BRD4: variants seen among roughly 807,000 people sequenced by gnomAD.
BRD4 encodes bromodomain containing 4.
In BRD4, 16 loss-of-function variants were observed where a neutral mutation model predicts 142.1. The observed-to-expected ratio is 0.11, with a 90% CI of 0.08 to 0.17. The LOEUF is 0.17. Among genes scored for constraint, BRD4 ranks in the 10% least tolerant of loss-of-function variants. BRD4 has a pLI of 1.00. For missense variants in BRD4, 1,424 were observed against 1,810.9 expected, an observed-to-expected ratio of 0.79 and a Z score of 3.88; for synonymous variants, 833 against 707.5, an observed-to-expected ratio of 1.18 and a Z score of -2.82.
chr19:15,240,063 G>A (rs984889293), intron 14 of BRD4, 41 bp from the exon 15 acceptor site: 5 of 1,572,244 alleles, frequency 3.2e-6, no homozygotes, highest in Non-Finnish European at 3.5e-6. Context: ...GGCTGGCTTA[G>A]AACTGCTGGC....
Position 15,239,742 on chromosome 19 carries a change from C to A in BRD4, c.3362G>T (p.Arg1121Leu), listed in dbSNP as rs1277195290. ...KEEKIHSPIIRSEPFSPSLRP... is the reference protein window; with the variant it reads ...KEEKIHSPIILSEPFSPSLRP... ...CAGCGAGGGGCTGAAGGGCTCGCTG[C>A]GGATGATGGGTGAGTGGATCTTCTC... is the stretch of plus-strand genomic sequence containing the variant. Residue 1121 changes from arginine (R) to leucine (L), a missense_variant, in exon 16 of 20, where the codon CGC becomes CTC. Transcript: ENST00000679869. This position sits in a 1 kb window ranked among gnomAD's most constrained non-coding sequence, Gnocchi z 7.4. 1.2e-6 allele frequency: 2 copies of A among 1,607,472 alleles called. No homozygotes were observed. Among genetic ancestry groups the A allele is most frequent in the Non-Finnish European group, 1.7e-6 (2 of 1,179,662 alleles).
intron 1 of BRD4, among the ~76,000 whole-genome samples, chr19:15,287,009 G>C (rs545127632): frequency 6.6e-6 from 1 of 152,178 alleles, no homozygotes; most frequent in Non-Finnish European, 1.5e-5. Flanking sequence ...ACCCCAGTCA[G>C]TTTCCACACC....
chr19:15,243,598 C>T (rs912330542), intron 13 of BRD4, 111 bp from the exon 14 acceptor site: 5 of 1,400,492 alleles, frequency 3.6e-6, no homozygotes, highest in Non-Finnish European at 2.8e-6. Context: ...TACTGGCCTC[C>T]CTCAAACTGG....
At chr19:15,320,713 G>C (rs1259952182) in intron 1 of BRD4, among the ~76,000 whole-genome samples, 1 of 152,128 alleles carries the variant, frequency 6.6e-6, no homozygotes, top group Non-Finnish European at 1.5e-5. Context: ...ACTTCTCCCA[G>C]AGCTCCTTCT....
intron 1 of BRD4, among the ~76,000 whole-genome samples, chr19:15,290,638 C>T (rs892073982): frequency 6.6e-6 from 1 of 152,274 alleles, no homozygotes; most frequent in African/African-American, 2.4e-5. Flanking sequence ...TAGAAAGATG[C>T]TCTAGGCAAA....
At chr19:15,284,043 G>T (rs750179544) in intron 1 of BRD4, among the ~76,000 whole-genome samples, 12 of 152,168 alleles carry the variant, frequency 7.9e-5, no homozygotes, top group Non-Finnish European at 1.2e-4. Flanking sequence ...GGGTCCAGAG[G>T]TATCAAAGCC....
intron 1 of BRD4, among the ~76,000 whole-genome samples, chr19:15,313,798 G>A (rs1750328957): frequency 6.6e-6 from 1 of 152,192 alleles, no homozygotes; most frequent in Admixed American, 6.5e-5. Flanking sequence ...CAGTCTCCTA[G>A]CACATGAACT....
At chr19:15,290,604 T>G (rs936141743) in intron 1 of BRD4, among the ~76,000 whole-genome samples, 4 of 152,124 alleles carry the variant, frequency 2.6e-5, no homozygotes, top group African/African-American at 9.7e-5. Flanking sequence ...TTTCATTCAT[T>G]TCAACATACA....
At chr19:15,286,226 A>C (rs1348092376) in intron 1 of BRD4, among the ~76,000 whole-genome samples, 1 of 152,200 alleles carries the variant, frequency 6.6e-6, no homozygotes, top group Non-Finnish European at 1.5e-5. Context: ...CGAGCAGATG[A>C]GAAAAGGAGC....
chr19:15,241,425 G>A (rs893907955), intron 14 of BRD4, among the ~76,000 whole-genome samples: 71 of 152,246 alleles, frequency 4.7e-4, no homozygotes, highest in Admixed American at 3.7e-3. Flanking sequence ...AGCTGGCTGG[G>A]GGCCCAGGGA....
intron 1 of BRD4, among the ~76,000 whole-genome samples, chr19:15,314,915 A>C (rs1000603478): frequency 6.6e-6 from 1 of 152,134 alleles, no homozygotes; most frequent in African/African-American, 2.4e-5. Flanking sequence ...GTTTGGGGGG[A>C]TGTCTGGAAG....
chr19:15,288,255 G>GA (rs2047755019), intron 1 of BRD4, among the ~76,000 whole-genome samples: 1 of 152,116 alleles, frequency 6.6e-6, no homozygotes, highest in African/African-American at 2.4e-5. Context: ...AATGTTTGCT[G>GA]AAGTACACAG....
chr19:15,275,127 G>C (rs1272480020), intron 1 of BRD4, among the ~76,000 whole-genome samples: 1 of 151,988 alleles, frequency 6.6e-6, no homozygotes, highest in Admixed American at 6.6e-5. Context: ...CCAAATTGCT[G>C]GGGTTACAGG....
rs534619727 is a variant in BRD4 at position 15,277,193 on chromosome 19, G to A, written c.-34-4060C>T. Among the ~76,000 whole-genome samples, 9 of 152,294 alleles carry A rather than the reference G, an allele frequency of 5.9e-5. No homozygotes were observed. The East Asian group carries it at 1.5e-3, about 26-fold the overall frequency. ...GGTCAAGGAAAAGGAAAAGAATTTC[G>A]CTTATTGTTTCCAATCCAAAGGCGG... is the stretch of plus-strand genomic sequence containing the variant. On this transcript the variant is annotated intron_variant, in intron 1 of 19. Coordinates refer to ENST00000679869, the MANE Select transcript of BRD4 (RefSeq NM_001379291.1).
intron 1 of BRD4, among the ~76,000 whole-genome samples, chr19:15,294,148 G>A (rs546642004): frequency 6.6e-6 from 1 of 152,354 alleles, no homozygotes; most frequent in South Asian, 2.1e-4. Flanking sequence ...ATGAGTCTGA[G>A]TTTTCGCAAA....
chr19:15,277,422 A>G (rs961530966), intron 1 of BRD4, among the ~76,000 whole-genome samples: 1 of 152,126 alleles, frequency 6.6e-6, no homozygotes. Flanking sequence ...GATCATTTCA[A>G]CACCAGATTG....
chr19:15,289,877 G>A (rs1031337687), intron 1 of BRD4, among the ~76,000 whole-genome samples: 4 of 152,164 alleles, frequency 2.6e-5, no homozygotes, highest in African/African-American at 9.7e-5. Flanking sequence ...AGACAGGAAG[G>A]AAAACGGGGC....
rs201131001 is a variant in BRD4, at chr19:15,273,153, C to A, written c.-34-20G>T. 12 of 1,526,956 alleles carry A rather than the reference C, an allele frequency of 7.9e-6. No individual in the cohort carries two copies. The African/African-American group carries it at 1.4e-4, about 18-fold the overall frequency. The allele number at this position is 1,526,956 out of a possible 1,614,324, so 94.6% of individuals were successfully genotyped here. A position where few individuals can be genotyped will look rare whatever the true frequency, so the allele number is the denominator to read the frequency against. On this transcript the variant is annotated intron_variant, in intron 1 of 19. Coordinates refer to ENST00000679869, the MANE Select transcript of BRD4 (RefSeq NM_001379291.1). ...GGCACTCTACAAAGGAAGAGAAGAG[C>A]CCCCGTGAGATATCAGTCAGCAGAT...
At chr19:15,301,057 A>T (rs189420844) in intron 1 of BRD4, among the ~76,000 whole-genome samples, 53 of 152,332 alleles carry the variant, frequency 3.5e-4, no homozygotes, top group African/African-American at 1.2e-3. Context: ...AATGCAGAAA[A>T]AGCTGGGGTC....
Sources: allele counts gnomAD v4.1 joint callset (sites outside exome capture counted in the v4.1 genomes callset), GRCh38; gene constraint gnomAD v4.1.1; non-coding constraint Gnocchi (gnomAD v3.1); transcripts MANE v1.5; gene names NCBI Gene and HGNC (gene_info 2026-07-23, HGNC 2026-07-21).